CNTN3: variants seen among roughly 807,000 people sequenced by gnomAD.
CNTN3 encodes the protein contactin 3.
In CNTN3, 60 loss-of-function variants were observed where a neutral mutation model predicts 119.1. The observed-to-expected ratio is 0.50, with a 90% CI of 0.41 to 0.62. The LOEUF (loss-of-function observed/expected upper bound fraction) is 0.62. Among genes scored for constraint, CNTN3 ranks in the 20% least tolerant of loss-of-function variants. CNTN3 has a pLI of 0.00. For missense variants in CNTN3, 1,101 were observed against 1,242.4 expected, an observed-to-expected ratio of 0.89 and a Z score of 1.71; for synonymous variants, 450 against 438.7, an observed-to-expected ratio of 1.03 and a Z score of -0.32.
At chr3:74,306,260 T>C (rs1702562397) in intron 13 of CNTN3, among the ~76,000 whole-genome samples, 2 of 148,782 alleles carry the variant, frequency 1.3e-5, no homozygotes, top group African/African-American at 5.0e-5. Context: ...TGAAATGGGA[T>C]GAAATAGTCC....
chr3:74,354,328 C>A (rs565995381), intron 11 of CNTN3, among the ~76,000 whole-genome samples: 3 of 152,152 alleles, frequency 2.0e-5, no homozygotes, highest in Non-Finnish European at 4.4e-5. Context: ...CAATAGCATT[C>A]AAATGAAGGA....
At chr3:74,343,049 C>T (rs1703586491) in intron 11 of CNTN3, among the ~76,000 whole-genome samples, 1 of 152,196 alleles carries the variant, frequency 6.6e-6, no homozygotes, top group African/African-American at 2.4e-5. Flanking sequence ...TCATACTTGA[C>T]ACTACTATTC....
intron 4 of CNTN3, among the ~76,000 whole-genome samples, chr3:74,449,686 T>C (rs1250853212): frequency 1.4e-4 from 22 of 152,104 alleles, no homozygotes; most frequent in Admixed American, 1.4e-3. Flanking sequence ...CACCTCAGCT[T>C]TCATTAAATT....
chr3:74,327,652 T>G lies in CNTN3; in HGVS notation c.1668+7083A>C, dbSNP rs185729908. 2.7e-3 allele frequency among the ~76,000 whole-genome samples: 417 copies of G among 152,278 alleles called. 7 individuals carry two copies. The highest frequency in any genetic ancestry group is 0.024 in the Admixed American group (368 of 15,288). ...AAATATTTATCTATTTCCTTAAAAT[T>G]TGAGAAACAAAAATTACCAGTAAAA... On this transcript the variant is annotated intron_variant, in intron 13 of 22. Transcript: ENST00000263665.
At chr3:74,356,916 T>C (rs1291433795) in intron 11 of CNTN3, among the ~76,000 whole-genome samples, 2 of 152,114 alleles carry the variant, frequency 1.3e-5, no homozygotes, top group African/African-American at 4.8e-5. Context: ...AGGTGGATTA[T>C]GATTATTTAC....
intron 5 of CNTN3, among the ~76,000 whole-genome samples, chr3:74,419,070 T>A (rs534169339): frequency 6.6e-6 from 1 of 152,266 alleles, no homozygotes; most frequent in African/African-American, 2.4e-5. Flanking sequence ...GTGCTAGGAT[T>A]ACAGGCATGA....
intron 4 of CNTN3, among the ~76,000 whole-genome samples, chr3:74,486,241 C>G (rs532363679): frequency 2.0e-5 from 3 of 151,498 alleles, no homozygotes; most frequent in Admixed American, 2.0e-4. Context: ...TGCACACATG[C>G]ACACCAGCAT....
chr3:74,477,625 G>A (rs1275624527), intron 4 of CNTN3, among the ~76,000 whole-genome samples: 2 of 152,032 alleles, frequency 1.3e-5, no homozygotes, highest in East Asian at 3.9e-4. Context: ...GATGGTTAAT[G>A]GGTAAAATAA....
chr3:74,565,747 A>G (rs540006105), intron 1 of CNTN3, among the ~76,000 whole-genome samples: 6 of 152,088 alleles, frequency 3.9e-5, no homozygotes, highest in African/African-American at 1.4e-4. Context: ...GTAAAGGGGG[A>G]AGGTTGCTGT....
chr3:74,384,033 T>C (rs1704686384), intron 5 of CNTN3, among the ~76,000 whole-genome samples: 1 of 152,230 alleles, frequency 6.6e-6, no homozygotes, highest in African/African-American at 2.4e-5. Context: ...AGAAAGGGCA[T>C]TGGCCTTTCA....
At chr3:74,430,567 C>A (rs1040362048) in intron 4 of CNTN3, among the ~76,000 whole-genome samples, 10 of 151,816 alleles carry the variant, frequency 6.6e-5, no homozygotes, top group African/African-American at 2.4e-4. Flanking sequence ...ATAGTGAGAC[C>A]CCATCTCTTA....
At chr3:74,338,130 ACTT>A (rs1262586028) in intron 11 of CNTN3, among the ~76,000 whole-genome samples, 1 of 152,088 alleles carries the variant, frequency 6.6e-6, no homozygotes, top group Non-Finnish European at 1.5e-5. Flanking sequence ...TGGATGGTAA[ACTT>A]CTTAAAAATA....
At chr3:74,413,170 T>A (rs962418629) in intron 5 of CNTN3, among the ~76,000 whole-genome samples, 1 of 152,126 alleles carries the variant, frequency 6.6e-6, no homozygotes, top group Non-Finnish European at 1.5e-5. Flanking sequence ...CTCTGTGTCA[T>A]GAAAATGACA....
chr3:74,527,706 T>C (rs1703639292), intron 1 of CNTN3, among the ~76,000 whole-genome samples: 1 of 151,944 alleles, frequency 6.6e-6, no homozygotes, highest in African/African-American at 2.4e-5. Context: ...GCTTCAATGC[T>C]CTTGCTTTGC....
chr3:74,536,789 A>G (rs534419637), intron 1 of CNTN3, among the ~76,000 whole-genome samples: 1 of 152,212 alleles, frequency 6.6e-6, no homozygotes, highest in Non-Finnish European at 1.5e-5. Flanking sequence ...AACAAAAACA[A>G]GTGGAAGTTT....
At position 74,387,057 on chromosome 3, in the gene CNTN3, G is replaced by C. The variant is rs776904300; in HGVS notation, c.455-15658C>G. Among the ~76,000 whole-genome samples, 8 of 152,278 alleles carry C rather than the reference G, an allele frequency of 5.3e-5. No individual in the cohort carries two copies. In the South Asian group the frequency reaches 1.7e-3, roughly 32 times the overall value. On this transcript the variant is annotated intron_variant, in intron 5 of 22. Transcript: ENST00000263665. ...CTGGCAGTGGAAAGCGATGCAAGCA[G>C]GTGTCAAACAAGTTTACTGTGCTTT...
intron 13 of CNTN3, among the ~76,000 whole-genome samples, chr3:74,310,658 G>C (rs1241545752): frequency 6.6e-6 from 1 of 152,142 alleles, no homozygotes; most frequent in Admixed American, 6.5e-5. Flanking sequence ...TTAGAAACTA[G>C]CTTCAGGAAT....
At chr3:74,358,482 G>A (rs751643272) in intron 11 of CNTN3, among the ~76,000 whole-genome samples, 13 of 150,534 alleles carry the variant, frequency 8.6e-5, no homozygotes, top group Non-Finnish European at 1.8e-4. Context: ...TTCTCTTGCA[G>A]TTAAATGTGG....
At chr3:74,559,654 T>G (rs1273746417) in intron 1 of CNTN3, among the ~76,000 whole-genome samples, 1 of 152,002 alleles carries the variant, frequency 6.6e-6, no homozygotes, top group African/African-American at 2.4e-5. Flanking sequence ...GTTTTAGTAC[T>G]TCTGCATTGC....
Sources: allele counts gnomAD v4.1 joint callset (sites outside exome capture counted in the v4.1 genomes callset), GRCh38; gene constraint gnomAD v4.1.1; transcripts MANE v1.5; gene names NCBI Gene and HGNC (gene_info 2026-07-23, HGNC 2026-07-21).